Variants in LEKR1 observed in about 807,000 individuals in gnomAD.
LEKR1 encodes the protein leucine, glutamate and lysine rich 1.
In LEKR1, 59 loss-of-function variants were observed where a neutral mutation model predicts 72.4. That is an observed-to-expected ratio of 0.82 (90% CI 0.66 to 1.01). The LOEUF (loss-of-function observed/expected upper bound fraction) is 1.01, where lower values mean the gene tolerates loss of function less well. LEKR1 is among the 50% of genes least tolerant of loss of function. LEKR1 has a pLI of 0.00. For synonymous variants in LEKR1, 257 were observed against 263.2 expected, an observed-to-expected ratio of 0.98 and a Z score of 0.23; for missense variants, 728 against 759.2, an observed-to-expected ratio of 0.96 and a Z score of 0.48.
chr3:156,931,665 A>T (rs1725237227), intron 5 of LEKR1, among the ~76,000 whole-genome samples: 1 of 152,192 alleles, frequency 6.6e-6, no homozygotes, highest in African/African-American at 2.4e-5. Context: ...TCAGTGGGAT[A>T]TATAATGAAC....
intron 3 of LEKR1, among the ~76,000 whole-genome samples, chr3:156,865,517 A>G (rs1297087925): frequency 6.6e-6 from 1 of 151,978 alleles, no homozygotes; most frequent in East Asian, 1.9e-4. Flanking sequence ...ATATTTCTTG[A>G]ATCTGTCCAT....
chr3:156,992,732 T>C lies in LEKR1; in HGVS notation c.905+2T>C. The C allele has an allele frequency of 1.2e-6, 1 of 845,280 alleles. No homozygotes were observed. The highest frequency in any genetic ancestry group is 1.5e-6 in the Non-Finnish European group (1 of 658,670). The allele number at this position is 845,280 out of a possible 1,614,324, so 52.4% of individuals were successfully genotyped here. On this transcript the variant is annotated splice_donor_variant, in intron 8 of 12. Transcript: ENST00000356539. LOFTEE classifies it high-confidence loss of function. Reference sequence around the variant, plus strand: ...TGAATCCATTATTTCTGAGTCACAGTATGCATTACCAATTTTTAAATTTAT... The same window carrying C: ...TGAATCCATTATTTCTGAGTCACAGCATGCATTACCAATTTTTAAATTTAT...
intron 10 of LEKR1, among the ~76,000 whole-genome samples, chr3:157,017,880 C>T (rs1310619888): frequency 2.1e-5 from 3 of 140,678 alleles, no homozygotes; most frequent in African/African-American, 2.7e-5. Flanking sequence ...ACCCAGGAGG[C>T]GGAGCTTGCA....
intron 2 of LEKR1, among the ~76,000 whole-genome samples, chr3:156,838,282 T>A (rs1347472915): frequency 6.6e-6 from 1 of 152,158 alleles, no homozygotes; most frequent in East Asian, 1.9e-4. Flanking sequence ...ACTAGTACAG[T>A]CTCCTGGGCT....
chr3:156,890,770 T>C (rs1306583846), intron 3 of LEKR1, among the ~76,000 whole-genome samples: 6 of 152,064 alleles, frequency 3.9e-5, no homozygotes, highest in African/African-American at 1.4e-4. Context: ...CCCAAAGTAA[T>C]GCTTAAGCAG....
intron 3 of LEKR1, among the ~76,000 whole-genome samples, chr3:156,889,122 G>A (rs1275038974): frequency 1.3e-5 from 2 of 151,982 alleles, no homozygotes; most frequent in Non-Finnish European, 2.9e-5. Context: ...GCTCAGAGTT[G>A]TCACTGAGTT....
intron 2 of LEKR1, among the ~76,000 whole-genome samples, chr3:156,841,142 G>A (rs953920679): frequency 7.9e-5 from 12 of 152,188 alleles, no homozygotes; most frequent in African/African-American, 2.9e-4. Context: ...ATCCCTGCAT[G>A]GTGGGATGGC....
intron 6 of LEKR1, among the ~76,000 whole-genome samples, chr3:156,972,436 A>G (rs1729296839): frequency 2.0e-5 from 3 of 152,206 alleles, no homozygotes; most frequent in Admixed American, 2.0e-4. Flanking sequence ...TGGCACATGT[A>G]TACACATGTA....
rs141700796 is a variant in LEKR1, at chr3:156,876,044, A to G, written c.263+23062A>G. Among the ~76,000 whole-genome samples the G allele has an allele frequency of 4.2e-3, 629 of 150,244 alleles. 8 individuals carry two copies. The highest frequency in any genetic ancestry group is 0.015 in the African/African-American group (607 of 41,048). ...AATGAGGATCCAGTTTTATTCTTCT[A>G]CATGTGGCTTGCCAATTATCGTGGC... On this transcript the variant is annotated intron_variant, in intron 3 of 12. Transcript: ENST00000356539.
intron 3 of LEKR1, among the ~76,000 whole-genome samples, chr3:156,877,079 T>A (rs562086394): frequency 6.6e-6 from 1 of 152,170 alleles, no homozygotes; most frequent in Non-Finnish European, 1.5e-5. Context: ...ATTGAGATGA[T>A]CATGATTTTT....
intron 3 of LEKR1, among the ~76,000 whole-genome samples, chr3:156,892,407 G>A (rs1330053963): frequency 6.6e-6 from 1 of 152,128 alleles, no homozygotes; most frequent in African/African-American, 2.4e-5. Context: ...GTAAATTCTG[G>A]TAGATTGAGT....
intron 2 of LEKR1, among the ~76,000 whole-genome samples, chr3:156,833,686 A>G (rs1170365555): frequency 6.6e-6 from 1 of 152,146 alleles, no homozygotes; most frequent in Non-Finnish European, 1.5e-5. Context: ...AATATTGAAA[A>G]AATTAATGAA....
At chr3:157,015,502 A>G (rs1023572369) in intron 10 of LEKR1, among the ~76,000 whole-genome samples, 1 of 152,200 alleles carries the variant, frequency 6.6e-6, no homozygotes, top group African/African-American at 2.4e-5. Context: ...TTAGCCCTAG[A>G]TGAAATGCTG....
chr3:156,985,841 T>C (rs1206551850), intron 7 of LEKR1, among the ~76,000 whole-genome samples: 1 of 61,768 alleles, frequency 1.6e-5, no homozygotes, highest in African/African-American at 5.5e-5. Context: ...AGACTCTGTG[T>C]CAAAAAAAAA....
At chr3:156,980,223 T>C (rs1560123690) in intron 7 of LEKR1, among the ~76,000 whole-genome samples, 1 of 152,158 alleles carries the variant, frequency 6.6e-6, no homozygotes, top group Non-Finnish European at 1.5e-5. Flanking sequence ...TTAGAATGCT[T>C]AGCAACCAAA....
chr3:156,907,295 C>T (rs955205218), intron 3 of LEKR1, among the ~76,000 whole-genome samples: 1 of 151,996 alleles, frequency 6.6e-6, no homozygotes, highest in African/African-American at 2.4e-5. Flanking sequence ...ATAGAACTAT[C>T]GTGAATATAT....
chr3:157,023,899 A>T (rs1734016986), intron 10 of LEKR1, among the ~76,000 whole-genome samples: 1 of 152,174 alleles, frequency 6.6e-6, no homozygotes, highest in South Asian at 2.1e-4. Context: ...ATCCTGATAA[A>T]CCCATCATAA....
At chr3:156,916,126 T>G (rs1723613326) in intron 3 of LEKR1, among the ~76,000 whole-genome samples, 1 of 152,154 alleles carries the variant, frequency 6.6e-6, no homozygotes, top group African/African-American at 2.4e-5. Context: ...TATGTCTCTG[T>G]TTTTGTGCCA....
chr3:156,923,813 C>T (rs1372731680), intron 4 of LEKR1, among the ~76,000 whole-genome samples: 10 of 151,988 alleles, frequency 6.6e-5, no homozygotes, highest in East Asian at 1.9e-4. Flanking sequence ...CTGCAACCTC[C>T]GCCTCCCAGG....
Sources: gnomAD v4.1 joint callset for allele counts (sites outside exome capture counted in the v4.1 genomes callset) on GRCh38, gnomAD v4.1.1 for gene constraint, MANE v1.5 for transcripts, NCBI Gene and HGNC (gene_info 2026-07-23, HGNC 2026-07-21) for gene names.